The following STK26 variants were observed in gnomAD, a reference collection of about 807,000 sequenced individuals.
STK26 encodes serine/threonine-protein kinase 26.
Under a neutral mutation model 34.7 loss-of-function variants are expected in STK26, and 14 were observed. That is an observed-to-expected ratio of 0.40 (90% CI 0.27 to 0.63). The LOEUF (loss-of-function observed/expected upper bound fraction) is 0.63. STK26 is among the 30% of genes least tolerant of loss of function. STK26 has a pLI of 0.38. For missense variants in STK26, 226 were observed against 309.1 expected, an observed-to-expected ratio of 0.73 and a Z score of 2.02; for synonymous variants, 100 against 109.8, an observed-to-expected ratio of 0.91 and a Z score of 0.56.
rs746768392 is a variant in STK26, at chrX:132,023,398, C to T, written c.-120C>T. ...GGCGGCTGCTTCAGCGGCGGGCGGG[C>T]GCCAGAAAGGTAGACTGAGTCCCAG... On this transcript the variant is annotated 5_prime_UTR_variant, in exon 1 of 12. Coordinates refer to ENST00000394334, the MANE Select transcript of STK26 (RefSeq NM_016542.4). 1.9e-6 allele frequency: 1 copy of T among 539,663 alleles called. No homozygotes were observed. Among genetic ancestry groups the T allele is most frequent in the East Asian group, 3.4e-5 (1 of 29,063 alleles). 44.5% of individuals were successfully genotyped at this position (539,663 alleles called of 1,213,427 possible). A position where few individuals can be genotyped will look rare whatever the true frequency, so the allele number is the denominator to read the frequency against.
chrX:132,069,205 T>C (rs1927317548), intron 6 of STK26, among the ~76,000 whole-genome samples: 2 of 107,487 alleles, frequency 1.9e-5, no homozygotes. Flanking sequence ...GTCTGGCTTA[T>C]ACACTACTGA....
At position 132,075,712 on chromosome X, in the gene STK26, A is replaced by C. The variant is rs763365555; in HGVS notation, c.*1553A>C. 4.5e-5 allele frequency: 5 copies of C among 112,031 alleles called. No individual in the cohort carries two copies. The East Asian group carries it at 1.4e-3, about 31-fold the overall frequency. 9.2% of individuals were successfully genotyped at this position (112,031 alleles called of 1,213,427 possible). On this transcript the variant is annotated 3_prime_UTR_variant, in exon 12 of 12. Transcript: ENST00000394334. ...ACAATTACAGTTTATAATCATCTGT[A>C]GAAGTCTGGAGATAATTTTGCAACT...
intron 2 of STK26, among the ~76,000 whole-genome samples, chrX:132,024,139 G>T (rs151190647): frequency 9.0e-6 from 1 of 111,061 alleles, no homozygotes; most frequent in South Asian, 3.8e-4. Flanking sequence ...TCCTGTGTGC[G>T]TAGGGCTAAG....
chrX:132,053,730 A>C (rs1054741364), intron 2 of STK26, among the ~76,000 whole-genome samples: 2 of 111,906 alleles, frequency 1.8e-5, no homozygotes, highest in Non-Finnish European at 3.8e-5. Context: ...CAGGGTTGGC[A>C]ATCTTGAGTT....
intron 2 of STK26, among the ~76,000 whole-genome samples, chrX:132,025,782 G>A (rs1180238277): frequency 9.3e-6 from 1 of 107,086 alleles, no homozygotes; most frequent in Admixed American, 1.0e-4. Context: ...AGTTGAAAAT[G>A]TACAATACCT....
At chrX:132,044,019 C>T (rs1926357202) in intron 2 of STK26, among the ~76,000 whole-genome samples, 1 of 111,758 alleles carries the variant, frequency 8.9e-6, no homozygotes, top group African/African-American at 3.3e-5. Flanking sequence ...ATGTTAACAT[C>T]CGTCAGTTTA....
intron 2 of STK26, among the ~76,000 whole-genome samples, chrX:132,039,822 C>T (rs1296684060): frequency 8.9e-6 from 1 of 111,751 alleles, no homozygotes; most frequent in African/African-American, 3.2e-5. Flanking sequence ...AAATAATAAT[C>T]ATCTACCATC....
At chrX:132,029,698 T>C (rs1925756691) in intron 2 of STK26, among the ~76,000 whole-genome samples, 1 of 111,138 alleles carries the variant, frequency 9.0e-6, no homozygotes, top group African/African-American at 3.3e-5. Flanking sequence ...CACAGTTCAA[T>C]AACCAGTGAT....
At chrX:132,026,049 T>C (rs1020811812) in intron 2 of STK26, among the ~76,000 whole-genome samples, 4 of 111,819 alleles carry the variant, frequency 3.6e-5, no homozygotes, top group Non-Finnish European at 5.6e-5. Context: ...TTTTTAACAG[T>C]TTATTTTAGA....
chrX:132,059,834 C>T (rs1275217596), intron 3 of STK26, among the ~76,000 whole-genome samples: 7 of 111,066 alleles, frequency 6.3e-5, no homozygotes, highest in Admixed American at 2.9e-4. Context: ...ATCATCTGTA[C>T]GGCTTTGTGG....
At chrX:132,063,583 G>C in intron 4 of STK26, 94 bp downstream of exon 4, 1 of 801,239 alleles carries the variant, frequency 1.2e-6, no homozygotes, top group East Asian at 3.2e-5. Flanking sequence ...TTTTGAGCAC[G>C]CTAAGTGGTT....
intron 2 of STK26, 140 bp downstream of exon 2, chrX:132,023,799 G>T: frequency 1.3e-6 from 1 of 744,928 alleles, no homozygotes; most frequent in Non-Finnish European, 1.9e-6. Flanking sequence ...AGGTGACCTG[G>T]GAGTAGGGCT....
At chrX:132,060,868 C>T (rs759647538) in intron 3 of STK26, among the ~76,000 whole-genome samples, 5 of 110,920 alleles carry the variant, frequency 4.5e-5, no homozygotes, top group Non-Finnish European at 9.4e-5. Context: ...CCTCCCACCT[C>T]GGCCTCCCAA....
intron 7 of STK26, 67 bp downstream of exon 7, chrX:132,069,730 T>C: frequency 1.3e-6 from 1 of 751,031 alleles, no homozygotes; most frequent in South Asian, 6.1e-5. Flanking sequence ...CAAAGGCAGC[T>C]TTTCCTGCAG....
intron 2 of STK26, among the ~76,000 whole-genome samples, chrX:132,044,127 A>C (rs1210263514): frequency 1.8e-5 from 2 of 111,787 alleles, no homozygotes; most frequent in Non-Finnish European, 3.8e-5. Flanking sequence ...GACCCCAGGT[A>C]AATACCCTGC....
chrX:132,055,657 T>C, intron 3 of STK26: 1 of 511,170 alleles, frequency 2.0e-6, no homozygotes, highest in African/African-American at 2.4e-5. Context: ...CATTTTAAAA[T>C]TAAAATTGTT....
chrX:132,038,057 C>T lies in STK26; in HGVS notation c.42+14398C>T, dbSNP rs552571891. On this transcript the variant is annotated intron_variant, in intron 2 of 11. Transcript: ENST00000394334. ...GAGGTTCAGGCATCGTTTTTGGAGG[C>T]TGCGATGTAAACCCTGCTTAGGGAA... 5.4e-5 allele frequency among the ~76,000 whole-genome samples: 6 copies of T among 110,253 alleles called. No individual in the cohort carries two copies. In the South Asian group the frequency reaches 2.3e-3, roughly 42 times the overall value.
chrX:132,057,211 GTCT>G (rs1275890402), intron 3 of STK26, among the ~76,000 whole-genome samples: 1 of 111,651 alleles, frequency 9.0e-6, no homozygotes, highest in Non-Finnish European at 1.9e-5. Flanking sequence ...GCTCAACAAT[GTCT>G]TCTTCTTGAG....
At chrX:132,057,587 G>A (rs995712947) in intron 3 of STK26, among the ~76,000 whole-genome samples, 2 of 111,197 alleles carry the variant, frequency 1.8e-5, no homozygotes, top group Admixed American at 1.9e-4. Flanking sequence ...GGGAGGGGAT[G>A]ATTAAAACTG....
Sources: gnomAD v4.1 joint callset for allele counts (sites outside exome capture counted in the v4.1 genomes callset) on GRCh38, gnomAD v4.1.1 for gene constraint, MANE v1.5 for transcripts, NCBI Gene and HGNC (gene_info 2026-07-23, HGNC 2026-07-21) for gene names.